The following C17orf107 variants were observed in gnomAD, a reference collection of about 807,000 sequenced individuals.
The protein encoded by C17orf107 is uncharacterized protein C17orf107.
A neutral mutation model predicts 8.9 loss-of-function variants in C17orf107; 9 were observed. That is an observed-to-expected ratio of 1.02 (90% CI 0.61 to 1.77). The LOEUF is 1.77. Among genes scored for constraint, C17orf107 ranks in the 40% most tolerant of loss-of-function variants. The pLI is 0.00. For missense variants in C17orf107, 281 were observed against 249.0 expected (o/e 1.13, Z -0.86); for synonymous variants, 139 against 120.3 (o/e 1.16, Z -1.02).
Position 4,899,840 on chromosome 17 carries a change from CCCG to C in C17orf107, c.66+15_66+17del, listed in dbSNP as rs1271074242. 3.9e-6 allele frequency: 6 copies of C among 1,551,208 alleles called. No individual in the cohort carries two copies. Among genetic ancestry groups the C allele is most frequent in the South Asian group, 3.6e-5 (3 of 84,064 alleles). On this transcript the variant is annotated intron_variant, in intron 1 of 2. Coordinates refer to ENST00000381365, the MANE Select transcript of C17orf107 (RefSeq NM_001145536.2). ...ACAGCTCCACCGAGGTGAGGCTACG[CCCG>C]CCAAGGGCTGCACCTCGAGACCTTC...
At position 4,902,207 on chromosome 17, in the gene C17orf107, C is replaced by G; in HGVS notation, c.*1674C>G. ...CTTCCCTCCAGCCTGGCGTCTGGCC[C>G]GGTTCTCACTTGTTTTCCAGCACAA... On this transcript the variant is annotated 3_prime_UTR_variant, in exon 3 of 3. Coordinates refer to ENST00000381365, the MANE Select transcript of C17orf107 (RefSeq NM_001145536.2). This position sits in a 1 kb window ranked among gnomAD's most constrained non-coding sequence, Gnocchi z 4.0. 1 of 1,613,892 alleles carries G rather than the reference C, an allele frequency of 6.2e-7. No individual in the cohort carries two copies.
Position 4,900,631 on chromosome 17 carries a change from G to A in C17orf107, c.*98G>A. Reference sequence around the variant, plus strand: ...AGGTGACGTCCAGCAGCAGTGAGGAGGACGGCGGACCAGGGACTCCATCCC... The same window carrying A: ...AGGTGACGTCCAGCAGCAGTGAGGAAGACGGCGGACCAGGGACTCCATCCC... On this transcript the variant is annotated 3_prime_UTR_variant, in exon 3 of 3. Coordinates refer to ENST00000381365, the MANE Select transcript of C17orf107 (RefSeq NM_001145536.2). 1.3e-6 allele frequency: 2 copies of A among 1,489,974 alleles called. No individual in the cohort carries two copies. The highest frequency in any genetic ancestry group is 1.8e-6 in the Non-Finnish European group (2 of 1,098,324). 92.3% of individuals were successfully genotyped at this position (1,489,974 alleles called of 1,614,324 possible).
chr17:4,901,335 C>T lies in C17orf107; in HGVS notation c.*802C>T. On this transcript the variant is annotated 3_prime_UTR_variant, in exon 3 of 3. Coordinates refer to ENST00000381365, the MANE Select transcript of C17orf107 (RefSeq NM_001145536.2). ...AATTACGGACAGAAAAGGGCATTCT[C>T]GTTGAGGGTATGGAAAGCCAGAAGG... The T allele has an allele frequency of 1.0e-6, 1 of 1,000,772 alleles. No individual in the cohort carries two copies. Among genetic ancestry groups the T allele is most frequent in the Admixed American group, 2.0e-5 (1 of 50,158 alleles). 62.0% of individuals were successfully genotyped at this position (1,000,772 alleles called of 1,614,324 possible).
chr17:4,905,515 C>T (rs952530310), downstream of C17orf107, among the ~76,000 whole-genome samples: 5 of 151,988 alleles, frequency 3.3e-5, no homozygotes, highest in Admixed American at 1.3e-4. Flanking sequence ...CAGTGAGCTA[C>T]GATCACACTA....
In C17orf107 at chr17:4,900,837, G is replaced by T. The variant is rs1326940305; in HGVS notation, c.*304G>T. The T allele has an allele frequency of 6.2e-7, 1 of 1,614,068 alleles. No homozygotes were observed. The highest frequency in any genetic ancestry group is 8.5e-7 in the Non-Finnish European group (1 of 1,180,008). On this transcript the variant is annotated 3_prime_UTR_variant, in exon 3 of 3. Coordinates refer to ENST00000381365, the MANE Select transcript of C17orf107 (RefSeq NM_001145536.2). Reference sequence around the variant, plus strand: ...TCAGAGAAGTCTCTGGGATTTTCTGGGCAATGAGGAACAAGAAGACGGTCT... The same window carrying T: ...TCAGAGAAGTCTCTGGGATTTTCTGTGCAATGAGGAACAAGAAGACGGTCT...
In C17orf107 at chr17:4,900,148, G is replaced by A. The variant is rs1252985364; in HGVS notation, c.276+3G>A. On this transcript the variant is annotated splice_donor_region_variant and intron_variant, in intron 2 of 2. Coordinates refer to ENST00000381365, the MANE Select transcript of C17orf107 (RefSeq NM_001145536.2). ...GCTTCGGCACCACCTTGTTAGAGGT[G>A]GGGTACTGGGGGGCTTAGGATACGC... 2.6e-6 allele frequency: 4 copies of A among 1,548,400 alleles called. No homozygotes were observed. In the African/African-American group the frequency reaches 5.5e-5, roughly 21 times the overall value.
In C17orf107 at chr17:4,902,633, A is replaced by T; in HGVS notation, c.*2100A>T. The T allele has an allele frequency of 6.2e-7, 1 of 1,613,888 alleles. No homozygotes were observed. Among genetic ancestry groups the T allele is most frequent in the Non-Finnish European group, 8.5e-7 (1 of 1,179,936 alleles). On this transcript the variant is annotated 3_prime_UTR_variant, in exon 3 of 3. Coordinates refer to ENST00000381365, the MANE Select transcript of C17orf107 (RefSeq NM_001145536.2). This position sits in a 1 kb window ranked among gnomAD's most constrained non-coding sequence, Gnocchi z 4.0. ...GGGGGTAGCTTACCAGTGAGATGAG[A>T]TTCGTCAGGGTGACCTTGAGGCTGA...
Position 4,900,303 on chromosome 17 carries a change from G to A in C17orf107, c.343G>A (p.Gly115Ser), listed in dbSNP as rs1420148869. ...CGGCAGCGCGGGCCCAGCCCCAGAC[G>A]GCAGGGATCCGGGTGCAGCGCTGAG... ...LDGSAGPAPDGRDPGAALSRV... is the reference protein window; with the variant it reads ...LDGSAGPAPDSRDPGAALSRV... The change falls in exon 3 of 3, where the codon GGC (glycine) becomes AGC (serine). Residue 115 changes from glycine (G) to serine (S), a missense_variant. Coordinates refer to ENST00000381365, the MANE Select transcript of C17orf107 (RefSeq NM_001145536.2). 12 of 1,545,396 alleles carry A rather than the reference G, an allele frequency of 7.8e-6. No individual in the cohort carries two copies. The highest frequency in any genetic ancestry group is 7.3e-5 in the East Asian group (3 of 40,916).
At chr17:4,900,211 CG>C in intron 2 of C17orf107, 25 bp from the exon 3 acceptor site, 1 of 1,544,434 alleles carries the variant, frequency 6.5e-7, no homozygotes, top group Non-Finnish European at 8.7e-7. Flanking sequence ...TCTGCCTCCC[CG>C]CTAACCCCTG....
At position 4,901,773 on chromosome 17, in the gene C17orf107, T is replaced by C. The variant is rs1969994381; in HGVS notation, c.*1240T>C. ...CAGCCCGCACGCCTCTGTTCCCATC[T>C]GTACCTCCGGCCGCGCTGGAGCGTC... On this transcript the variant is annotated 3_prime_UTR_variant, in exon 3 of 3. Transcript: ENST00000381365. 14 of 1,260,716 alleles carry C rather than the reference T, an allele frequency of 1.1e-5. No individual in the cohort carries two copies. In the East Asian group the frequency reaches 3.4e-4, roughly 30 times the overall value. 78.1% of individuals were successfully genotyped at this position (1,260,716 alleles called of 1,614,324 possible).
Position 4,901,204 on chromosome 17 carries a change from G to C in C17orf107, c.*671G>C, listed in dbSNP as rs202127846. 24 of 1,598,292 alleles carry C rather than the reference G, an allele frequency of 1.5e-5. No individual in the cohort carries two copies. The highest frequency in any genetic ancestry group is 2.0e-5 in the Non-Finnish European group (23 of 1,176,894). ...ACTCGCCGTTCTCTGCGGGACGGGG[G>C]CACGGTCAGCTGGCTGTCAGAGCGG... On this transcript the variant is annotated 3_prime_UTR_variant, in exon 3 of 3. Transcript: ENST00000381365.
chr17:4,901,843 G>A lies in C17orf107; in HGVS notation c.*1310G>A, dbSNP rs1016154873. The stretch of plus-strand genomic sequence containing the variant: ...GGCTCCGCCTCCAGCGCGAAGCCCC[G>A]CCCCGAGGGCGGTGCTTCCCGGTTG... On this transcript the variant is annotated 3_prime_UTR_variant, in exon 3 of 3. Transcript: ENST00000381365. 7 of 1,571,518 alleles carry A rather than the reference G, an allele frequency of 4.5e-6. No individual in the cohort carries two copies. Among genetic ancestry groups the A allele is most frequent in the South Asian group, 1.1e-5 (1 of 89,480 alleles).
rs111413308 is a variant in C17orf107 at position 4,901,883 on chromosome 17, G to A, written c.*1350G>A. 6.9e-3 allele frequency: 8,331 copies of A among 1,215,460 alleles called. 444 individuals are homozygous for A. In the African/African-American group the frequency reaches 0.11, roughly 16 times the overall value. 75.3% of individuals were successfully genotyped at this position (1,215,460 alleles called of 1,614,324 possible). ...CTTCCCGGTTGGCCCCGCCCCATAAGGCCCCCCCCCAACAATAATCGTCCG... is the reference window on the plus strand; with the variant it reads ...CTTCCCGGTTGGCCCCGCCCCATAAAGCCCCCCCCCAACAATAATCGTCCG... On this transcript the variant is annotated 3_prime_UTR_variant, in exon 3 of 3. Transcript: ENST00000381365.
In C17orf107 at chr17:4,900,751, C is replaced by A. The variant is rs774291429; in HGVS notation, c.*218C>A. 1.3e-6 allele frequency: 2 copies of A among 1,582,048 alleles called. No homozygotes were observed. Among genetic ancestry groups the A allele is most frequent in the Non-Finnish European group, 8.6e-7 (1 of 1,159,500 alleles). ...TCTCTGGGTTTTGGCCACGCCCCCA[C>A]CCTTCACACTGGCCACACCCCCGCG... is the stretch of plus-strand genomic sequence containing the variant. On this transcript the variant is annotated 3_prime_UTR_variant, in exon 3 of 3. Transcript: ENST00000381365.
rs1969950885 is a variant in C17orf107, at chr17:4,900,666, C to A, written c.*133C>A. 1 of 1,442,402 alleles carries A rather than the reference C, an allele frequency of 6.9e-7. No individual in the cohort carries two copies. Among genetic ancestry groups the A allele is most frequent in the Non-Finnish European group, 9.5e-7 (1 of 1,056,870 alleles). The allele number at this position is 1,442,402 out of a possible 1,614,324, so 89.4% of individuals were successfully genotyped here. ...CCAGGGACTCCATCCCCGTACCAGC[C>A]CCACCCAGCGTCCGAATAAAGCCCA... On this transcript the variant is annotated 3_prime_UTR_variant, in exon 3 of 3. Transcript: ENST00000381365.
Position 4,902,255 on chromosome 17 carries a change from T to C in C17orf107, c.*1722T>C. The C allele has an allele frequency of 6.2e-7, 1 of 1,614,196 alleles. No individual in the cohort carries two copies. Among genetic ancestry groups the C allele is most frequent in the Non-Finnish European group, 8.5e-7 (1 of 1,180,022 alleles). ...CAATCTCTGGCAGCCACACGAGTTCTGAAGGGACTCGCAGGGTTTCTATAC... is the reference window on the plus strand; with the variant it reads ...CAATCTCTGGCAGCCACACGAGTTCCGAAGGGACTCGCAGGGTTTCTATAC... On this transcript the variant is annotated 3_prime_UTR_variant, in exon 3 of 3. Transcript: ENST00000381365. The surrounding 1 kb of genome is among the most constrained non-coding windows in gnomAD (Gnocchi z 4.0).
rs558951496 is a variant in C17orf107, at chr17:4,899,776, C to A, written c.14C>A (p.Pro5His). Residue 5 changes from proline to histidine, a missense_variant, in exon 1 of 3, where the codon CCC (proline) becomes CAC (histidine). Transcript: ENST00000381365. ...CTTGTGGCGGCCATGAAGGGGACCC[C>A]CAGCTCCCTGGACACCCTGATGTGG... is the stretch of plus-strand genomic sequence containing the variant. MKGT[P>H]SSLDTLMWIY... 5 of 1,551,230 alleles carry A rather than the reference C, an allele frequency of 3.2e-6. No individual in the cohort carries two copies. Among genetic ancestry groups the A allele is most frequent in the Non-Finnish European group, 4.4e-6 (5 of 1,146,988 alleles).
Position 4,900,843 on chromosome 17 carries a change from G to A in C17orf107, c.*310G>A, listed in dbSNP as rs763590279. The stretch of plus-strand genomic sequence containing the variant: ...AAGTCTCTGGGATTTTCTGGGCAAT[G>A]AGGAACAAGAAGACGGTCTGGGCGA... On this transcript the variant is annotated 3_prime_UTR_variant, in exon 3 of 3. Coordinates refer to ENST00000381365, the MANE Select transcript of C17orf107 (RefSeq NM_001145536.2). 1.2e-6 allele frequency: 2 copies of A among 1,614,206 alleles called. No homozygotes were observed. Among genetic ancestry groups the A allele is most frequent in the East Asian group, 4.5e-5 (2 of 44,884 alleles).
chr17:4,906,527 G>T (rs909221851), downstream of C17orf107, among the ~76,000 whole-genome samples: 4 of 152,132 alleles, frequency 2.6e-5, no homozygotes, highest in African/African-American at 9.7e-5. Flanking sequence ...GAGGGCAGAA[G>T]ATTTGAATAG....
Sources: allele counts gnomAD v4.1 joint callset (sites outside exome capture counted in the v4.1 genomes callset), GRCh38; gene constraint gnomAD v4.1.1; non-coding constraint Gnocchi (gnomAD v3.1); transcripts MANE v1.5; gene names NCBI Gene and HGNC (gene_info 2026-07-23, HGNC 2026-07-21).